Variants in SPX observed in about 807,000 individuals in gnomAD.
SPX encodes the protein spexin.
SPX carries 22 observed loss-of-function variants against 19.2 expected under a neutral mutation model. The ratio of observed to expected loss-of-function variants is 1.15; its 90% CI spans 0.82 to 1.64. SPX has a LOEUF of 1.64. SPX is among the 40% of genes most tolerant of loss of function. SPX has a pLI of 0.00. For synonymous variants in SPX, 50 were observed against 53.3 expected, an observed-to-expected ratio of 0.94 and a Z score of 0.27; for missense variants, 143 against 137.7, an observed-to-expected ratio of 1.04 and a Z score of -0.19.
rs112476704 is a variant in SPX at position 21,527,640 on chromosome 12, G to T, written c.146-87G>T. ...AACCTGCCCCCTCCCCACGCCCGGG[G>T]ACTGCGCTGTGCCGGGAGGAGCTGA... On this transcript the variant is annotated intron_variant, in intron 3 of 5. Coordinates refer to ENST00000256969, the MANE Select transcript of SPX (RefSeq NM_030572.4). 219 of 1,348,584 alleles carry T rather than the reference G, an allele frequency of 1.6e-4. 3 individuals carry two copies. The Middle Eastern group carries it at 2.3e-3, about 14-fold the overall frequency. 83.5% of individuals were successfully genotyped at this position (1,348,584 alleles called of 1,614,324 possible).
In SPX at chr12:21,527,774, G is replaced by T. The variant is rs747839085; in HGVS notation, c.193G>T (p.Asp65Tyr). 58 of 1,571,866 alleles carry T rather than the reference G, an allele frequency of 3.7e-5. No individual in the cohort carries two copies. Among genetic ancestry groups the T allele is most frequent in the Non-Finnish European group, 4.6e-5 (53 of 1,158,370 alleles). ...SDQSRRKDLS[D>Y]RPLPERRSPN... Reference sequence around the variant, plus strand: ...CCAGAGCCGGAGAAAGGACCTCTCCGACCGGCCACTGCCGGGTGAGTGACC... The same window carrying T: ...CCAGAGCCGGAGAAAGGACCTCTCCTACCGGCCACTGCCGGGTGAGTGACC... The change falls in exon 4 of 6, where the codon GAC becomes TAC. Residue 65 changes from aspartate to tyrosine, a missense_variant. Transcript: ENST00000256969.
At chr12:21,527,925 A>G (rs1428968643) in intron 4 of SPX, 136 bp downstream of exon 4, 3 of 979,234 alleles carry the variant, frequency 3.1e-6, no homozygotes, top group Non-Finnish European at 4.4e-6. Flanking sequence ...GCCCTCAGAT[A>G]CAGTCCGCCC....
chr12:21,527,891 A>G (rs540799306), intron 4 of SPX, 102 bp downstream of exon 4: 3 of 1,347,094 alleles, frequency 2.2e-6, no homozygotes, highest in African/African-American at 1.5e-5. Flanking sequence ...GCGTCTCCTC[A>G]CCGGAAAGAC....
chr12:21,527,788 G>C lies in SPX; in HGVS notation c.207G>C (p.Pro69=), dbSNP rs1379750342. The C allele has an allele frequency of 2.1e-5, 33 of 1,570,708 alleles. No homozygotes were observed. Among genetic ancestry groups the C allele is most frequent in the Non-Finnish European group, 2.9e-5 (33 of 1,157,672 alleles). ...RRKDLSDRPL[P]ERRSPNPQLL... ...AGGACCTCTCCGACCGGCCACTGCC[G>C]GGTGAGTGACCAAGGGTGCAAGGGC... Residue 69 remains proline, a splice_region_variant and synonymous_variant, in exon 4 of 6, where the codon CCG becomes CCC. Coordinates refer to ENST00000256969, the MANE Select transcript of SPX (RefSeq NM_030572.4).
Position 21,531,953 on chromosome 12 carries a change from A to G in SPX, c.*758A>G, listed in dbSNP as rs1225928767. The stretch of plus-strand genomic sequence containing the variant: ...GAACAAGCCAGTTTTGTTAGAGGTA[A>G]CTCATTTTCCATGACCAAACAGACT... On this transcript the variant is annotated 3_prime_UTR_variant, in exon 6 of 6. Transcript: ENST00000256969. The G allele has an allele frequency of 1.3e-5, 2 of 152,104 alleles. No homozygotes were observed. The highest frequency in any genetic ancestry group is 4.8e-5 in the African/African-American group (2 of 41,398). 9.4% of individuals were successfully genotyped at this position (152,104 alleles called of 1,614,324 possible).
intron 4 of SPX, 23 bp downstream of exon 4, chr12:21,527,812 G>GCGC (rs1183175227): frequency 1.3e-6 from 2 of 1,565,218 alleles, no homozygotes; most frequent in Non-Finnish European, 1.7e-6. Flanking sequence ...GGGTGCAAGG[G>GCGC]CGCTAGTCCT....
Position 21,532,077 on chromosome 12 carries a change from A to T in SPX, c.*882A>T, listed in dbSNP as rs1213358864. On this transcript the variant is annotated 3_prime_UTR_variant, in exon 6 of 6. Coordinates refer to ENST00000256969, the MANE Select transcript of SPX (RefSeq NM_030572.4). ...AATCACTCTGATAACATAAGTGCAC[A>T]GTAATATGCCTGATCTCTTCCTTTT... 6.6e-6 allele frequency: 1 copy of T among 152,236 alleles called. No homozygotes were observed. The highest frequency in any genetic ancestry group is 1.5e-5 in the Non-Finnish European group (1 of 68,034). 9.4% of individuals were successfully genotyped at this position (152,236 alleles called of 1,614,324 possible).
intron 3 of SPX, chr12:21,527,482 C>A (rs1428982858): frequency 1.7e-6 from 1 of 600,326 alleles, no homozygotes; most frequent in Non-Finnish European, 2.9e-6. Flanking sequence ...ACCCGACCTC[C>A]GCTCCAAAGC....
At chr12:21,529,182 T>G in intron 5 of SPX, 98 bp downstream of exon 5, 1 of 1,207,420 alleles carries the variant, frequency 8.3e-7, no homozygotes, top group Non-Finnish European at 1.2e-6. Flanking sequence ...CAGAATTTCT[T>G]GGCCTTAGGC....
chr12:21,527,074 T>C, intron 2 of SPX, 61 bp from the exon 3 acceptor site: 2 of 1,587,452 alleles, frequency 1.3e-6, no homozygotes, highest in South Asian at 1.1e-5. Context: ...TTTATTTTGC[T>C]GTAATAGAGG....
intron 4 of SPX, 96 bp downstream of exon 4, chr12:21,527,885 C>T (rs1302802390): frequency 3.6e-6 from 5 of 1,398,022 alleles, no homozygotes; most frequent in Admixed American, 2.1e-5. Flanking sequence ...AAGAAAGCGT[C>T]TCCTCACCGG....
Position 21,527,781 on chromosome 12 carries a change from C to G in SPX, c.200C>G (p.Pro67Arg). ...QSRRKDLSDR[P>R]LPERRSPNPQ... ...CGGAGAAAGGACCTCTCCGACCGGC[C>G]ACTGCCGGGTGAGTGACCAAGGGTG... The change falls in exon 4 of 6, where the codon CCA (proline) becomes CGA (arginine). Residue 67 changes from proline to arginine, a missense_variant. Pro to Arg is a moderately radical substitution (Grantham distance 103). Coordinates refer to ENST00000256969, the MANE Select transcript of SPX (RefSeq NM_030572.4). 6.4e-7 allele frequency: 1 copy of G among 1,571,374 alleles called. No individual in the cohort carries two copies. The highest frequency in any genetic ancestry group is 8.6e-7 in the Non-Finnish European group (1 of 1,158,000).
At position 21,527,195 on chromosome 12, in the gene SPX, A is replaced by C; in HGVS notation, c.145+3A>C. Reference sequence around the variant, plus strand: ...TATGCTCTACCTGAAAGGGGCACGTAAGTTCCAAATATTTCGCTCTTCCTA... The same window carrying C: ...TATGCTCTACCTGAAAGGGGCACGTCAGTTCCAAATATTTCGCTCTTCCTA... On this transcript the variant is annotated splice_donor_region_variant and intron_variant, in intron 3 of 5. Coordinates refer to ENST00000256969, the MANE Select transcript of SPX (RefSeq NM_030572.4). The C allele has an allele frequency of 6.2e-7, 1 of 1,613,400 alleles. No homozygotes were observed. Among genetic ancestry groups the C allele is most frequent in the South Asian group, 1.1e-5 (1 of 91,062 alleles).
chr12:21,531,460 T>C lies in SPX; in HGVS notation c.*265T>C, dbSNP rs1244234778. The C allele has an allele frequency of 7.2e-6, 2 of 278,746 alleles. No homozygotes were observed. The highest frequency in any genetic ancestry group is 6.4e-5 in the East Asian group (1 of 15,634). The allele number at this position is 278,746 out of a possible 1,614,324, so 17.3% of individuals were successfully genotyped here. A position where few individuals can be genotyped will look rare whatever the true frequency, so the allele number is the denominator to read the frequency against. On this transcript the variant is annotated 3_prime_UTR_variant, in exon 6 of 6. Coordinates refer to ENST00000256969, the MANE Select transcript of SPX (RefSeq NM_030572.4). ...GAGTTTCTTAGAATATTTATAATTA[T>C]AAGGCTGAAGACTAAAGTGTTCTTT...
intron 4 of SPX, among the ~76,000 whole-genome samples, chr12:21,528,795 T>C (rs1390156053): frequency 6.6e-6 from 1 of 152,244 alleles, no homozygotes; most frequent in Non-Finnish European, 1.5e-5. Flanking sequence ...ATACCCTGTT[T>C]GTAAACTTGA....
rs538295778 is a variant in SPX, at chr12:21,527,608, C to T, written c.146-119C>T. Reference sequence around the variant, plus strand: ...CTCGGCAGCCCCGCGCGACCCTATCCTGGAGCAACCTGCCCCCTCCCCACG... The same window carrying T: ...CTCGGCAGCCCCGCGCGACCCTATCTTGGAGCAACCTGCCCCCTCCCCACG... On this transcript the variant is annotated intron_variant, in intron 3 of 5. Transcript: ENST00000256969. 1.3e-5 allele frequency: 14 copies of T among 1,038,036 alleles called. No individual in the cohort carries two copies. In the African/African-American group the frequency reaches 1.6e-4, roughly 12 times the overall value. 64.3% of individuals were successfully genotyped at this position (1,038,036 alleles called of 1,614,324 possible). A position where few individuals can be genotyped will look rare whatever the true frequency, so the allele number is the denominator to read the frequency against.
At chr12:21,528,055 C>A in intron 4 of SPX, 1 of 481,142 alleles carries the variant, frequency 2.1e-6, no homozygotes, top group Non-Finnish European at 3.8e-6. Flanking sequence ...TGCGGCTCCC[C>A]AAGCCTTATT....
chr12:21,532,939 T>TC lies in SPX; in HGVS notation c.*1745dup, dbSNP rs1371346937. Reference sequence around the variant, plus strand: ...ATATGCTGATTAATTAAAAGGTCCCTCTTCCCAATTTTCTATAACTTTCCA... The same window carrying TC: ...ATATGCTGATTAATTAAAAGGTCCCTCCTTCCCAATTTTCTATAACTTTCCA... On this transcript the variant is annotated 3_prime_UTR_variant, in exon 6 of 6. Transcript: ENST00000256969. 3 of 152,230 alleles carry TC rather than the reference T, an allele frequency of 2.0e-5. No individual in the cohort carries two copies. Among genetic ancestry groups the TC allele is most frequent in the Admixed American group, 6.5e-5 (1 of 15,282 alleles). The allele number at this position is 152,230 out of a possible 1,614,324, so 9.4% of individuals were successfully genotyped here.
intron 5 of SPX, among the ~76,000 whole-genome samples, chr12:21,530,188 A>G (rs78229652): frequency 9.8e-5 from 15 of 152,318 alleles, no homozygotes; most frequent in Non-Finnish European, 8.8e-5. Context: ...TGATTCCCAT[A>G]TGATAAATTA....
Sources: gnomAD v4.1 joint callset for allele counts (sites outside exome capture counted in the v4.1 genomes callset) on GRCh38, gnomAD v4.1.1 for gene constraint, MANE v1.5 for transcripts, NCBI Gene and HGNC (gene_info 2026-07-23, HGNC 2026-07-21) for gene names.